PDLIM5: variants seen among roughly 807,000 people sequenced by gnomAD.
PDLIM5 encodes PDZ and LIM domain 5.
A neutral mutation model predicts 64.2 loss-of-function variants in PDLIM5; 34 were observed. The ratio of observed to expected loss-of-function variants is 0.53; its 90% CI spans 0.40 to 0.71. The LOEUF (loss-of-function observed/expected upper bound fraction) is 0.71. Among genes scored for constraint, PDLIM5 ranks in the 30% least tolerant of loss-of-function variants. PDLIM5 has a pLI of 0.00. For missense variants in PDLIM5, 683 were observed against 733.6 expected (o/e 0.93, Z 0.80); for synonymous variants, 253 against 269.1 (o/e 0.94, Z 0.59).
chr4:94,563,211 G>A (rs990165511), intron 3 of PDLIM5, among the ~76,000 whole-genome samples: 2 of 152,080 alleles, frequency 1.3e-5, no homozygotes, highest in Non-Finnish European at 2.9e-5. Context: ...CACTTTGAAT[G>A]CCTTGACTTA....
chr4:94,504,530 C>A (rs1369129075), intron 2 of PDLIM5, among the ~76,000 whole-genome samples: 1 of 152,130 alleles, frequency 6.6e-6, no homozygotes, highest in Non-Finnish European at 1.5e-5. Context: ...CGTGATCTGC[C>A]CGTCTTGGCC....
intron 3 of PDLIM5, among the ~76,000 whole-genome samples, chr4:94,562,341 T>C (rs1346777615): frequency 6.6e-6 from 1 of 152,288 alleles, no homozygotes; most frequent in South Asian, 2.1e-4. Context: ...TTTTAATAGG[T>C]TCCACAGGAA....
chr4:94,622,793 C>G lies in PDLIM5; in HGVS notation c.1108+4602C>G, dbSNP rs368408016. Reference sequence around the variant, plus strand: ...TCAAGTGATTCTCCTGCCTTAGCCTCCTGAGTAGCTGGGACTACAGGTGCC... The same window carrying G: ...TCAAGTGATTCTCCTGCCTTAGCCTGCTGAGTAGCTGGGACTACAGGTGCC... On this transcript the variant is annotated intron_variant, in intron 8 of 12. Coordinates refer to ENST00000317968, the MANE Select transcript of PDLIM5 (RefSeq NM_006457.5). Among the ~76,000 whole-genome samples the G allele has an allele frequency of 3.1e-4, 47 of 152,170 alleles. 1 individual carries two copies. In the East Asian group the frequency reaches 5.8e-3, roughly 19 times the overall value.
At chr4:94,577,218 A>G (rs1348018597) in intron 5 of PDLIM5, 1 of 457,112 alleles carries the variant, frequency 2.2e-6, no homozygotes, top group Non-Finnish European at 4.4e-6. Flanking sequence ...GCCAGTTCCC[A>G]GGAAAATATA....
At chr4:94,614,493 A>G (rs1331836707) in intron 7 of PDLIM5, among the ~76,000 whole-genome samples, 1 of 152,102 alleles carries the variant, frequency 6.6e-6, no homozygotes, top group East Asian at 1.9e-4. Flanking sequence ...TTTTTAGGGG[A>G]TTGGGCATCA....
intron 8 of PDLIM5, among the ~76,000 whole-genome samples, chr4:94,634,559 A>G (rs921082145): frequency 6.6e-5 from 10 of 152,174 alleles, no homozygotes; most frequent in African/African-American, 2.4e-4. Context: ...TTTTTTTCGC[A>G]TAGTGTATGT....
intron 3 of PDLIM5, among the ~76,000 whole-genome samples, chr4:94,542,077 T>C (rs1731856314): frequency 6.6e-6 from 1 of 152,096 alleles, no homozygotes; most frequent in Non-Finnish European, 1.5e-5. Context: ...TTTGGAAGGC[T>C]GAGGTGGGCA....
intron 3 of PDLIM5, among the ~76,000 whole-genome samples, chr4:94,564,811 AC>A (rs1438055393): frequency 6.6e-6 from 1 of 151,458 alleles, no homozygotes; most frequent in East Asian, 1.9e-4. Flanking sequence ...GAGTGCCACC[AC>A]GCCCAGCTAA....
chr4:94,577,393 G>A (rs1349852147), intron 5 of PDLIM5: 1 of 456,430 alleles, frequency 2.2e-6, no homozygotes, highest in East Asian at 7.0e-5. Flanking sequence ...GAGAGGGAGA[G>A]CAGGAGCTCT....
intron 7 of PDLIM5, among the ~76,000 whole-genome samples, chr4:94,607,839 A>G (rs972829023): frequency 5.3e-5 from 8 of 152,178 alleles, no homozygotes; most frequent in Non-Finnish European, 1.2e-4. Context: ...ACATAGAAGT[A>G]GCCATATTAA....
intron 7 of PDLIM5, among the ~76,000 whole-genome samples, chr4:94,609,203 A>G (rs1226410428): frequency 1.3e-5 from 2 of 152,132 alleles, no homozygotes; most frequent in Non-Finnish European, 2.9e-5. Flanking sequence ...TTTGTGTTGG[A>G]GGTGGCCATT....
At chr4:94,514,577 C>T (rs1180418794) in intron 2 of PDLIM5, among the ~76,000 whole-genome samples, 1 of 152,072 alleles carries the variant, frequency 6.6e-6, no homozygotes, top group African/African-American at 2.4e-5. Flanking sequence ...AAAATATTCC[C>T]TTCTTTTTTA....
At position 94,648,543 on chromosome 4, in the gene PDLIM5, G is replaced by A. The variant is rs547497168; in HGVS notation, c.1284-5917G>A. On this transcript the variant is annotated intron_variant, in intron 9 of 12. Transcript: ENST00000317968. Reference sequence around the variant, plus strand: ...TCGAACTCCTGGCCTCAAGTGATCCGCCCGTCTCGGCCTCCCAAAATGCTG... The same window carrying A: ...TCGAACTCCTGGCCTCAAGTGATCCACCCGTCTCGGCCTCCCAAAATGCTG... Among the ~76,000 whole-genome samples the A allele has an allele frequency of 1.6e-4, 24 of 152,202 alleles. No homozygotes were observed. The South Asian group carries it at 3.7e-3, about 24-fold the overall frequency.
intron 11 of PDLIM5, among the ~76,000 whole-genome samples, chr4:94,661,356 A>C (rs1742698494): frequency 6.6e-6 from 1 of 152,082 alleles, no homozygotes; most frequent in Admixed American, 6.5e-5. Flanking sequence ...TCACACCACT[A>C]CACTCAAGCC....
At chr4:94,623,020 T>C (rs1397632809) in intron 8 of PDLIM5, among the ~76,000 whole-genome samples, 1 of 152,144 alleles carries the variant, frequency 6.6e-6, no homozygotes, top group African/African-American at 2.4e-5. Context: ...TCCTATAGCA[T>C]TCTTGTGAAA....
At chr4:94,530,725 CCTT>C (rs1412986132) in intron 3 of PDLIM5, among the ~76,000 whole-genome samples, 2 of 151,968 alleles carry the variant, frequency 1.3e-5, no homozygotes, top group Non-Finnish European at 2.9e-5. Context: ...TCTGCCTTCC[CCTT>C]CTTCTTCATC....
At position 94,657,333 on chromosome 4, in the gene PDLIM5, C is replaced by T. The variant is rs887327630; in HGVS notation, c.1465-94C>T. On this transcript the variant is annotated intron_variant, in intron 10 of 12. Transcript: ENST00000317968. ...AGTATGTGTGCCTACTTTGGATTAG[C>T]TCTACAGGGATTTACTGGTACAGAT... 18 of 852,784 alleles carry T rather than the reference C, an allele frequency of 2.1e-5. No individual in the cohort carries two copies. In the African/African-American group the frequency reaches 2.2e-4, roughly 10 times the overall value. The allele number at this position is 852,784 out of a possible 1,614,324, so 52.8% of individuals were successfully genotyped here.
At chr4:94,512,743 C>T (rs1729001810) in intron 2 of PDLIM5, among the ~76,000 whole-genome samples, 1 of 151,592 alleles carries the variant, frequency 6.6e-6, no homozygotes, top group Non-Finnish European at 1.5e-5. Flanking sequence ...TTGATGTGTC[C>T]CATTTGTCCA....
At chr4:94,591,540 G>T (rs1309169564) in intron 7 of PDLIM5, among the ~76,000 whole-genome samples, 5 of 152,204 alleles carry the variant, frequency 3.3e-5, no homozygotes, top group Admixed American at 6.5e-5. Context: ...CACCTCAGCT[G>T]CAGACAGTCC....
Sources: gnomAD v4.1 joint callset for allele counts (sites outside exome capture counted in the v4.1 genomes callset) on GRCh38, gnomAD v4.1.1 for gene constraint, MANE v1.5 for transcripts, NCBI Gene and HGNC (gene_info 2026-07-23, HGNC 2026-07-21) for gene names.